Variants in ANKS1B observed in about 807,000 individuals in gnomAD.
ANKS1B encodes the protein ankyrin repeat and sterile alpha motif domain containing 1B.
ANKS1B carries 36 observed loss-of-function variants against 148.3 expected under a neutral mutation model. The ratio of observed to expected loss-of-function variants is 0.24; its 90% CI spans 0.19 to 0.32. The LOEUF is 0.32. Ranked by LOEUF, ANKS1B falls within the 10% of genes least tolerant of loss-of-function variation. The probability of loss-of-function intolerance (pLI) is 1.00; values close to 1 mark genes in which losing one functional copy is unlikely to be tolerated. For missense variants in ANKS1B, 1,157 were observed against 1,542.6 expected (o/e 0.75, Z 4.19); for synonymous variants, 542 against 560.8 (o/e 0.97, Z 0.47).
chr12:99,282,514 G>A (rs962425838), intron 12 of ANKS1B, among the ~76,000 whole-genome samples: 1 of 152,150 alleles, frequency 6.6e-6, no homozygotes, highest in African/African-American at 2.4e-5. Flanking sequence ...AGACTGTAGG[G>A]AAGAGAAGGT....
At chr12:99,307,628 G>C (rs2082536914) in intron 12 of ANKS1B, among the ~76,000 whole-genome samples, 1 of 152,146 alleles carries the variant, frequency 6.6e-6, no homozygotes, top group East Asian at 1.9e-4. Flanking sequence ...AGAGATAGGG[G>C]AGGGAGTTGG....
intron 12 of ANKS1B, among the ~76,000 whole-genome samples, chr12:99,277,867 G>A (rs1465489917): frequency 1.3e-5 from 2 of 152,154 alleles, no homozygotes; most frequent in African/African-American, 4.8e-5. Flanking sequence ...TCCTGAATAG[G>A]TCTCATCTGG....
intron 1 of ANKS1B, among the ~76,000 whole-genome samples, chr12:99,851,526 T>C (rs1405480472): frequency 2.6e-5 from 4 of 152,190 alleles, no homozygotes; most frequent in Non-Finnish European, 4.4e-5. Context: ...AAATTGCTTT[T>C]AACCTTGAAA....
chr12:98,992,887 C>T (rs976590393), intron 17 of ANKS1B, among the ~76,000 whole-genome samples: 1 of 152,138 alleles, frequency 6.6e-6, no homozygotes, highest in South Asian at 2.1e-4. Context: ...TGATGCCTGT[C>T]TTGTTCTCAT....
At chr12:98,832,319 T>C (rs1477595646) in intron 17 of ANKS1B, among the ~76,000 whole-genome samples, 183 bp from the exon 18 acceptor site, 1 of 151,988 alleles carries the variant, frequency 6.6e-6, no homozygotes, top group Non-Finnish European at 1.5e-5. Flanking sequence ...AAGCCTGGAG[T>C]GGCTAAGTAT....
intron 1 of ANKS1B, among the ~76,000 whole-genome samples, chr12:99,828,397 A>G (rs566524480): frequency 6.6e-6 from 1 of 152,288 alleles, no homozygotes; most frequent in South Asian, 2.1e-4. Flanking sequence ...TCAAAGGCCT[A>G]CAACCAACAA....
At chr12:99,060,298 G>A (rs2041969643) in intron 16 of ANKS1B, among the ~76,000 whole-genome samples, 2 of 152,030 alleles carry the variant, frequency 1.3e-5, no homozygotes, top group South Asian at 4.2e-4. Flanking sequence ...AGAGTATGCT[G>A]TTAACATCAC....
intron 15 of ANKS1B, among the ~76,000 whole-genome samples, chr12:99,150,682 T>C (rs2074596914): frequency 6.6e-6 from 1 of 152,016 alleles, no homozygotes; most frequent in African/African-American, 2.4e-5. Context: ...TAAATAAGCA[T>C]GCACATTTTG....
At chr12:99,716,495 CTCT>C (rs2057353390) in intron 8 of ANKS1B, among the ~76,000 whole-genome samples, 2 of 152,068 alleles carry the variant, frequency 1.3e-5, no homozygotes, top group South Asian at 4.2e-4. Context: ...AACTTAAAAC[CTCT>C]TCAACTCACA....
At chr12:99,726,821 AAGGCTAGTT>A (rs1233777591) in intron 8 of ANKS1B, among the ~76,000 whole-genome samples, 1 of 152,208 alleles carries the variant, frequency 6.6e-6, no homozygotes, top group Admixed American at 6.5e-5. Context: ...CCTGGGATGC[AAGGCTAGTT>A]CAACATACAC....
At chr12:99,134,947 C>T (rs748691033) in intron 15 of ANKS1B, among the ~76,000 whole-genome samples, 20 of 152,192 alleles carry the variant, frequency 1.3e-4, no homozygotes, top group Non-Finnish European at 2.6e-4. Context: ...TCACAAACTA[C>T]AGTCATTAGA....
intron 9 of ANKS1B, among the ~76,000 whole-genome samples, chr12:99,529,469 A>G: frequency 6.6e-6 from 1 of 152,170 alleles, no homozygotes; most frequent in Non-Finnish European, 1.5e-5. Context: ...CCTGGCCAAC[A>G]TGGTGAAATG....
chr12:99,017,176 A>G (rs961946008), intron 17 of ANKS1B, among the ~76,000 whole-genome samples: 26 of 152,216 alleles, frequency 1.7e-4, no homozygotes, highest in Non-Finnish European at 3.8e-4. Flanking sequence ...AGTTGACTCC[A>G]TCTTGCTTCT....
At chr12:99,892,204 C>T (rs1199496018) in intron 1 of ANKS1B, among the ~76,000 whole-genome samples, 1 of 151,976 alleles carries the variant, frequency 6.6e-6, no homozygotes, top group South Asian at 2.1e-4. Context: ...GGGGTTTCAC[C>T]GTGTTAGCCA....
chr12:98,816,707 C>T (rs1432407336), intron 19 of ANKS1B, among the ~76,000 whole-genome samples: 1 of 152,180 alleles, frequency 6.6e-6, no homozygotes, highest in African/African-American at 2.4e-5. Flanking sequence ...AGGCCTGGGT[C>T]ACAAAGTGAG....
Position 98,744,867 on chromosome 12 carries a change from C to T in ANKS1B, c.*872G>A, listed in dbSNP as rs569601706. The T allele has an allele frequency of 1.0e-5, 10 of 985,202 alleles. No individual in the cohort carries two copies. The highest frequency in any genetic ancestry group is 5.2e-4 in the Middle Eastern group (1 of 1,936). 61.0% of individuals were successfully genotyped at this position (985,202 alleles called of 1,614,324 possible). On this transcript the variant is annotated 3_prime_UTR_variant, in exon 27 of 27. Coordinates refer to ENST00000683438, the MANE Select transcript of ANKS1B (RefSeq NM_001352186.2). ...AACAATCTTGGCAGGCTGATGGCTG[C>T]GTCAGCACTTCCGGGCCTCCTGCTC...
intron 8 of ANKS1B, among the ~76,000 whole-genome samples, chr12:99,677,065 A>G (rs2098578751): frequency 6.6e-6 from 1 of 152,200 alleles, no homozygotes; most frequent in Admixed American, 6.5e-5. Context: ...AATAACACCT[A>G]TTTCTAATTT....
chr12:99,328,613 A>C (rs1379561401), intron 12 of ANKS1B, among the ~76,000 whole-genome samples: 1 of 151,962 alleles, frequency 6.6e-6, no homozygotes, highest in Non-Finnish European at 1.5e-5. Flanking sequence ...AAATGTTTCC[A>C]AGTAAGTCAA....
In ANKS1B at chr12:99,391,326, C is replaced by T. The variant is rs116368841; in HGVS notation, c.1756+8305G>A. Reference sequence around the variant, plus strand: ...AATACCAAAATCCTGAAGGTAGCTACAAGGGTTTGATTGGGCTTTTACTCG... The same window carrying T: ...AATACCAAAATCCTGAAGGTAGCTATAAGGGTTTGATTGGGCTTTTACTCG... On this transcript the variant is annotated intron_variant, in intron 12 of 26. Coordinates refer to ENST00000683438, the MANE Select transcript of ANKS1B (RefSeq NM_001352186.2). 6.8e-3 allele frequency among the ~76,000 whole-genome samples: 1,035 copies of T among 152,304 alleles called. 17 individuals are homozygous for T. Among genetic ancestry groups the T allele is most frequent in the African/African-American group, 0.024 (990 of 41,560 alleles).
Sources: gnomAD v4.1 joint callset for allele counts (sites outside exome capture counted in the v4.1 genomes callset) on GRCh38, gnomAD v4.1.1 for gene constraint, MANE v1.5 for transcripts, NCBI Gene and HGNC (gene_info 2026-07-23, HGNC 2026-07-21) for gene names.